The following GNAL variants were observed in gnomAD, a reference collection of about 807,000 sequenced individuals.
GNAL encodes the protein G protein subunit alpha L.
Under a neutral mutation model 55.1 loss-of-function variants are expected in GNAL, and 18 were observed. The ratio of observed to expected loss-of-function variants is 0.33; its 90% CI spans 0.23 to 0.48. The LOEUF (loss-of-function observed/expected upper bound fraction) is 0.48, where lower values mean the gene tolerates loss of function less well. Ranked by LOEUF, GNAL falls within the 20% of genes least tolerant of loss-of-function variation. The pLI, the probability that GNAL is intolerant of heterozygous loss-of-function variation, is 0.99. For synonymous variants in GNAL, 253 were observed against 237.0 expected (o/e 1.07, Z -0.62); for missense variants, 412 against 614.1 (o/e 0.67, Z 3.48).
In GNAL at chr18:11,809,212, C is replaced by T. The variant is rs150498250; in HGVS notation, c.625-15706C>T. Among the ~76,000 whole-genome samples, 2,718 of 151,894 alleles carry T rather than the reference C, an allele frequency of 0.018. 205 individuals carry two copies. The East Asian group carries it at 0.26, about 15-fold the overall frequency. ...AGCGGAAGTTGCAGTGAGCTGAGAT[C>T]GTGCCACTGCCCTCCAGCCTGGGCG... is the stretch of plus-strand genomic sequence containing the variant. On this transcript the variant is annotated intron_variant, in intron 4 of 11. Transcript: ENST00000334049.
chr18:11,880,228 G>A (rs1327174964), intron 11 of GNAL, among the ~76,000 whole-genome samples: 2 of 151,252 alleles, frequency 1.3e-5, no homozygotes, highest in Admixed American at 1.3e-4. Context: ...CTGCACTCCA[G>A]CCTGGGGGAC....
At position 11,769,033 on chromosome 18, in the gene GNAL, T is replaced by TA. The variant is rs2033533220; in HGVS notation, c.624+15089dup. 5.3e-5 allele frequency among the ~76,000 whole-genome samples: 4 copies of TA among 75,336 alleles called. 1 individual carries two copies. Among genetic ancestry groups the TA allele is most frequent in the African/African-American group, 8.9e-5 (1 of 11,244 alleles). The allele number at this position is 75,336 out of a possible 152,430, so 49.4% of individuals were successfully genotyped here. On this transcript the variant is annotated intron_variant, in intron 4 of 11. Coordinates refer to ENST00000334049, the MANE Select transcript of GNAL (RefSeq NM_182978.4). Reference sequence around the variant, plus strand: ...ATATATTCTATATTATAATATATTATATATAATATATAATATATATAATAT... The same window carrying TA: ...ATATATTCTATATTATAATATATTATAATATAATATATAATATATATAATAT...
intron 5 of GNAL, chr18:11,851,790 T>G: frequency 6.2e-7 from 1 of 1,613,958 alleles, no homozygotes; most frequent in East Asian, 2.2e-5. Flanking sequence ...AGTCGATGGC[T>G]GGTGTGGTTA....
At chr18:11,733,081 T>A (rs927756017) in intron 1 of GNAL, among the ~76,000 whole-genome samples, 1 of 149,318 alleles carries the variant, frequency 6.7e-6, no homozygotes, top group African/African-American at 2.4e-5. Context: ...CCTGGACATG[T>A]GAAGAGAAGA....
chr18:11,801,695 A>G (rs111710830), intron 4 of GNAL, among the ~76,000 whole-genome samples: 21 of 151,108 alleles, frequency 1.4e-4, no homozygotes, highest in South Asian at 4.2e-4. Flanking sequence ...GTGAGATTCA[A>G]TTTGGATCCA....
rs1345286762 is a variant in GNAL, at chr18:11,787,387, A to G, written c.624+33442A>G. ...AACAGCTATGGTGCTGGAAGTGACA[A>G]TATGATCACCAGTGAGGTGGGCCGA... is the stretch of plus-strand genomic sequence containing the variant. On this transcript the variant is annotated intron_variant, in intron 4 of 11. Transcript: ENST00000334049. 2.6e-5 allele frequency among the ~76,000 whole-genome samples: 4 copies of G among 152,198 alleles called. No homozygotes were observed. In the East Asian group the frequency reaches 7.7e-4, roughly 29 times the overall value.
intron 1 of GNAL, among the ~76,000 whole-genome samples, chr18:11,697,214 A>G (rs1406591261): frequency 6.6e-6 from 1 of 152,218 alleles, no homozygotes; most frequent in Non-Finnish European, 1.5e-5. Context: ...CTGTGAGGCC[A>G]GCTGGAGGCA....
chr18:11,744,302 A>T (rs961665351), intron 1 of GNAL, among the ~76,000 whole-genome samples: 1 of 152,240 alleles, frequency 6.6e-6, no homozygotes, highest in African/African-American at 2.4e-5. Context: ...GAAAAATAGA[A>T]GATAAATTAT....
intron 4 of GNAL, among the ~76,000 whole-genome samples, chr18:11,786,623 T>A (rs2034069988): frequency 6.7e-6 from 1 of 150,118 alleles, no homozygotes; most frequent in Non-Finnish European, 1.5e-5. Context: ...TAATTTTTTT[T>A]TTTTTTTTTA....
Position 11,752,665 on chromosome 18 carries a change from G to A in GNAL, c.377-188G>A. On this transcript the variant is annotated intron_variant, in intron 1 of 11. Transcript: ENST00000334049. The surrounding 1 kb of genome is among the most constrained non-coding windows in gnomAD (Gnocchi z 4.5). ...AGCGCCAGGCTGGGCGGGCAGGGCC[G>A]GGCGAGGGTCGCGCGCACCTCTGGG... is the stretch of plus-strand genomic sequence containing the variant. The A allele has an allele frequency of 7.5e-7, 1 of 1,325,158 alleles. No homozygotes were observed. The highest frequency in any genetic ancestry group is 9.8e-7 in the Non-Finnish European group (1 of 1,020,646). 82.1% of individuals were successfully genotyped at this position (1,325,158 alleles called of 1,614,324 possible).
chr18:11,831,329 T>C (rs2035378591), intron 5 of GNAL, among the ~76,000 whole-genome samples: 1 of 152,166 alleles, frequency 6.6e-6, no homozygotes, highest in Admixed American at 6.6e-5. Flanking sequence ...GGTCCTCTTC[T>C]GAAGTACAGG....
intron 9 of GNAL, among the ~76,000 whole-genome samples, chr18:11,870,148 A>C (rs900318458): frequency 2.0e-5 from 3 of 152,226 alleles, no homozygotes; most frequent in Admixed American, 2.0e-4. Context: ...GTCCTAGACC[A>C]ATCCCCCACG....
chr18:11,829,787 A>C (rs1397444226), intron 5 of GNAL, among the ~76,000 whole-genome samples: 2 of 152,192 alleles, frequency 1.3e-5, no homozygotes, highest in Non-Finnish European at 2.9e-5. Context: ...AGGCGGGTAG[A>C]TCACTTGAGG....
intron 1 of GNAL, among the ~76,000 whole-genome samples, chr18:11,728,506 A>T (rs553250022): frequency 1.5e-4 from 23 of 152,310 alleles, no homozygotes; most frequent in Non-Finnish European, 2.6e-4. Flanking sequence ...TCAGCAGCAC[A>T]GTGGAGAGAG....
chr18:11,837,307 C>T (rs1020114998), intron 5 of GNAL, among the ~76,000 whole-genome samples: 1 of 151,956 alleles, frequency 6.6e-6, no homozygotes, highest in Non-Finnish European at 1.5e-5. Context: ...ATATAGAGGT[C>T]CTTATGATTC....
chr18:11,857,248 C>T (rs150163886), intron 5 of GNAL: 1 of 152,640 alleles, frequency 6.6e-6, no homozygotes, highest in African/African-American at 2.4e-5. Flanking sequence ...GCCATGCTCA[C>T]CAAATTGTGA....
At position 11,716,936 on chromosome 18, in the gene GNAL, C is replaced by T. The variant is rs563850629; in HGVS notation, c.376+26997C>T. Reference sequence around the variant, plus strand: ...GGTGGAGCTGCCTGCCAGTCCCGCACGGTTGTGCCCACACTCCTCAGCCCT... The same window carrying T: ...GGTGGAGCTGCCTGCCAGTCCCGCATGGTTGTGCCCACACTCCTCAGCCCT... On this transcript the variant is annotated intron_variant, in intron 1 of 11. Transcript: ENST00000334049. Among the ~76,000 whole-genome samples the T allele has an allele frequency of 4.6e-5, 7 of 152,344 alleles. No homozygotes were observed. The East Asian group carries it at 5.8e-4, about 13-fold the overall frequency.
chr18:11,740,549 T>C (rs1598422227), intron 1 of GNAL, among the ~76,000 whole-genome samples: 1 of 152,288 alleles, frequency 6.6e-6, no homozygotes, highest in Non-Finnish European at 1.5e-5. Flanking sequence ...AGTGTGTCTA[T>C]GTATATTTTA....
chr18:11,866,977 G>A (rs1028073391), intron 7 of GNAL, among the ~76,000 whole-genome samples, 191 bp from the exon 8 acceptor site: 7 of 152,152 alleles, frequency 4.6e-5, no homozygotes, highest in Admixed American at 6.5e-5. Context: ...GAGGGACTGC[G>A]GCTGAGAGAG....
Sources: gnomAD v4.1 joint callset for allele counts (sites outside exome capture counted in the v4.1 genomes callset) on GRCh38, gnomAD v4.1.1 for gene constraint, Gnocchi (gnomAD v3.1) non-coding constraint, MANE v1.5 for transcripts, NCBI Gene and HGNC (gene_info 2026-07-23, HGNC 2026-07-21) for gene names.